Variants in TP73 observed in about 807,000 individuals in gnomAD.
The protein encoded by TP73 is p53-like transcription factor.
In TP73, 25 loss-of-function variants were observed where a neutral mutation model predicts 62.5. The observed-to-expected ratio is 0.40, with a 90% confidence interval of 0.29 to 0.56. TP73 has a LOEUF of 0.56. TP73 is among the 20% of genes least tolerant of loss of function. TP73 has a pLI of 0.46. For synonymous variants in TP73, 423 were observed against 377.5 expected (o/e 1.12, Z -1.40); for missense variants, 754 against 913.3 (o/e 0.83, Z 2.25).
At chr1:3,675,425 C>T (rs188544455) in intron 1 of TP73, among the ~76,000 whole-genome samples, 388 of 152,286 alleles carry the variant, frequency 2.5e-3, no homozygotes, top group African/African-American at 7.2e-3. Flanking sequence ...TGGGAACCAC[C>T]GGAATCAGAA....
intron 1 of TP73, among the ~76,000 whole-genome samples, chr1:3,665,583 G>A: frequency 6.6e-6 from 1 of 151,968 alleles, no homozygotes; most frequent in East Asian, 1.9e-4. Flanking sequence ...GATATGAGTG[G>A]GGTGCATGGA....
intron 3 of TP73, among the ~76,000 whole-genome samples, chr1:3,704,484 C>T (rs560565039): frequency 5.9e-5 from 9 of 152,084 alleles, no homozygotes; most frequent in Middle Eastern, 3.2e-3. Flanking sequence ...GGGGGACATG[C>T]GAGCCTGCCC....
chr1:3,655,341 C>T (rs188683194), intron 1 of TP73, among the ~76,000 whole-genome samples: 15 of 152,254 alleles, frequency 9.9e-5, no homozygotes, highest in African/African-American at 3.4e-4. Flanking sequence ...GAGCCGAGAT[C>T]ACCCCACTGC....
At chr1:3,682,944 A>C in intron 2 of TP73, 116 bp from the exon 3 acceptor site, 3 of 1,372,348 alleles carry the variant, frequency 2.2e-6, no homozygotes, top group Non-Finnish European at 3.0e-6. Context: ...TGGGAAGGGC[A>C]GGAGACGTAG....
At chr1:3,727,313 C>A in intron 7 of TP73, 89 bp downstream of exon 7, 1 of 1,293,392 alleles carries the variant, frequency 7.7e-7, no homozygotes, top group Admixed American at 2.0e-5. Flanking sequence ...GACCTGCAGG[C>A]CAAGGCTAGC....
intron 1 of TP73, among the ~76,000 whole-genome samples, chr1:3,677,302 C>T (rs746233512): frequency 6.6e-6 from 1 of 152,124 alleles, no homozygotes; most frequent in Non-Finnish European, 1.5e-5. Flanking sequence ...GCCGGAGGGC[C>T]CTCGGTGGCT....
intron 6 of TP73, among the ~76,000 whole-genome samples, chr1:3,726,561 T>C (rs1339196037): frequency 6.1e-5 from 8 of 131,458 alleles, no homozygotes; most frequent in Non-Finnish European, 9.6e-5. Context: ...GATGGATGGG[T>C]AGATAATAAG....
intron 1 of TP73, among the ~76,000 whole-genome samples, chr1:3,679,668 ATC>A (rs997762586): frequency 2.5e-5 from 2 of 80,352 alleles, no homozygotes; most frequent in African/African-American, 1.0e-4. Flanking sequence ...TTGTCCTTGT[ATC>A]TCTCTGTCTC....
chr1:3,677,186 G>A, intron 1 of TP73, among the ~76,000 whole-genome samples: 1 of 152,290 alleles, frequency 6.6e-6, no homozygotes, highest in South Asian at 2.1e-4. Context: ...GCTGGTGTGA[G>A]TTCCTTTCCT....
At chr1:3,667,020 C>T (rs1395915316) in intron 1 of TP73, among the ~76,000 whole-genome samples, 2 of 152,276 alleles carry the variant, frequency 1.3e-5, no homozygotes, top group East Asian at 3.9e-4. Context: ...CCAGTGTCAT[C>T]AGGGGGCCCC....
chr1:3,692,938 C>T (rs533438987), intron 3 of TP73, among the ~76,000 whole-genome samples: 4 of 152,312 alleles, frequency 2.6e-5, no homozygotes, highest in Non-Finnish European at 4.4e-5. Flanking sequence ...GTGCCCTGGG[C>T]GTCAGCAATG....
At chr1:3,669,193 C>T (rs1168906038) in intron 1 of TP73, among the ~76,000 whole-genome samples, 1 of 152,234 alleles carries the variant, frequency 6.6e-6, no homozygotes, top group Admixed American at 6.5e-5. Flanking sequence ...GCTCGCCCTC[C>T]TCTCGGCCTG....
At chr1:3,716,619 C>G (rs1335491295) in intron 4 of TP73, among the ~76,000 whole-genome samples, 1 of 152,220 alleles carries the variant, frequency 6.6e-6, no homozygotes, top group East Asian at 1.9e-4. Flanking sequence ...CAGCAGCTCT[C>G]TGAGGGCGAC....
chr1:3,717,915 A>G (rs1233775630), intron 4 of TP73, among the ~76,000 whole-genome samples: 1 of 152,198 alleles, frequency 6.6e-6, no homozygotes, highest in Non-Finnish European at 1.5e-5. Flanking sequence ...TGTATGCCCC[A>G]AAGGCCATGT....
rs1557591453 is a variant in TP73, at chr1:3,731,014, G to C, written c.1433G>C (p.Gly478Ala). Residue 478 changes from glycine (G) to alanine (A), a missense_variant, in exon 12 of 14, where the codon GGG becomes GCG. This residue lies in a region of TP73 where 458 missense variants were observed against 528.7 expected (regional missense o/e 0.87). Coordinates refer to ENST00000378295, the MANE Select transcript of TP73 (RefSeq NM_005427.4). ...SSHSAQSMVS[G>A]SHCTPPPPYH... Reference sequence around the variant, plus strand: ...CACAGCGCCCAGTCCATGGTCTCGGGGTCCCACTGCACTCCGCCACCCCCC... The same window carrying C: ...CACAGCGCCCAGTCCATGGTCTCGGCGTCCCACTGCACTCCGCCACCCCCC... 1 of 1,612,472 alleles carries C rather than the reference G, an allele frequency of 6.2e-7. No individual in the cohort carries two copies. Among genetic ancestry groups the C allele is most frequent in the Non-Finnish European group, 8.5e-7 (1 of 1,179,808 alleles).
At chr1:3,690,674 A>T in intron 3 of TP73, 1 of 1,409,938 alleles carries the variant, frequency 7.1e-7, no homozygotes, top group Non-Finnish European at 9.2e-7. Flanking sequence ...TTGTTGTTGG[A>T]TTCAGCCAGT....
At position 3,697,485 on chromosome 1, in the gene TP73, C is replaced by T. The variant is rs549489648; in HGVS notation, c.187-10064C>T. ...CTGCAGGCCCGCCTTCACCTTTTCC[C>T]GAGCCCGTCCTTGCCTGGACGCCAG... is the stretch of plus-strand genomic sequence containing the variant. On this transcript the variant is annotated intron_variant, in intron 3 of 13. Coordinates refer to ENST00000378295, the MANE Select transcript of TP73 (RefSeq NM_005427.4). Among the ~76,000 whole-genome samples the T allele has an allele frequency of 1.3e-5, 2 of 152,242 alleles. 1 individual carries two copies. Among genetic ancestry groups the T allele is most frequent in the South Asian group, 4.1e-4 (2 of 4,838 alleles).
intron 8 of TP73, 67 bp downstream of exon 8, chr1:3,727,837 T>C: frequency 6.8e-7 from 1 of 1,461,352 alleles, no homozygotes; most frequent in Middle Eastern, 2.2e-4. Flanking sequence ...CAGGACACAA[T>C]GTGAGCCCGC....
chr1:3,688,474 A>G (rs1407399173), intron 3 of TP73, among the ~76,000 whole-genome samples: 1 of 152,172 alleles, frequency 6.6e-6, no homozygotes, highest in Non-Finnish European at 1.5e-5. Context: ...GGCCTGCGGC[A>G]GCGTCGTTCC....
Sources: gnomAD v4.1 joint callset for allele counts (sites outside exome capture counted in the v4.1 genomes callset) on GRCh38, gnomAD v4.1.1 for gene constraint, gnomAD v4.1.1 regional missense constraint, MANE v1.5 for transcripts, NCBI Gene and HGNC (gene_info 2026-07-23, HGNC 2026-07-21) for gene names.